The following TMEM132D variants were observed in gnomAD, a reference collection of about 807,000 sequenced individuals.
TMEM132D encodes transmembrane protein 132D, also known as mature OL transmembrane protein.
A neutral mutation model predicts 62.3 loss-of-function variants in TMEM132D; 21 were observed. The ratio of observed to expected loss-of-function variants is 0.34; its 90% CI spans 0.24 to 0.49. TMEM132D has a LOEUF of 0.49. TMEM132D is among the 20% of genes least tolerant of loss of function. The pLI, the probability that TMEM132D is intolerant of heterozygous loss-of-function variation, is 0.99. For synonymous variants in TMEM132D, 621 were observed against 575.6 expected (o/e 1.08, Z -1.13); for missense variants, 1,346 against 1,402.8 (o/e 0.96, Z 0.65).
rs541348312 is a variant in TMEM132D at position 129,691,741 on chromosome 12, T to C, written c.968+8069A>G. On this transcript the variant is annotated intron_variant, in intron 2 of 8. Transcript: ENST00000422113. ...TTTACCCATACATACAACTATAATC[T>C]TTCAATTTATAATTAAAAATAAAAA... 3.9e-5 allele frequency among the ~76,000 whole-genome samples: 6 copies of C among 152,202 alleles called. No homozygotes were observed. The South Asian group carries it at 1.2e-3, about 32-fold the overall frequency.
chr12:129,491,838 A>C (rs1461500749), intron 3 of TMEM132D, among the ~76,000 whole-genome samples: 2 of 152,156 alleles, frequency 1.3e-5, no homozygotes, highest in Non-Finnish European at 2.9e-5. Context: ...GCTACTTGGG[A>C]GACTGCGGCA....
intron 1 of TMEM132D, among the ~76,000 whole-genome samples, chr12:129,822,755 A>C (rs1441016468): frequency 6.6e-6 from 1 of 152,212 alleles, no homozygotes; most frequent in African/African-American, 2.4e-5. Flanking sequence ...TTATAAAACC[A>C]TCAGATCTTG....
chr12:129,361,542 T>C (rs909261131), intron 3 of TMEM132D, among the ~76,000 whole-genome samples: 4 of 152,200 alleles, frequency 2.6e-5, no homozygotes, highest in Non-Finnish European at 5.9e-5. Flanking sequence ...GTATGAGTTA[T>C]GGAATGTGCC....
intron 4 of TMEM132D, 43 bp downstream of exon 4, chr12:129,337,585 TCCCCTC>T: frequency 1.2e-6 from 2 of 1,606,622 alleles, no homozygotes; most frequent in Non-Finnish European, 1.7e-6. Context: ...GCCGGCGCCT[TCCCCTC>T]CCCCGAGTTC....
intron 3 of TMEM132D, among the ~76,000 whole-genome samples, chr12:129,339,294 A>C (rs2135659756): frequency 6.6e-6 from 1 of 151,384 alleles, no homozygotes; most frequent in Non-Finnish European, 1.5e-5. Context: ...AAGAAAAAGA[A>C]AGATAGAAGA....
intron 5 of TMEM132D, among the ~76,000 whole-genome samples, chr12:129,175,413 C>T (rs1045135215): frequency 3.3e-5 from 5 of 152,120 alleles, no homozygotes; most frequent in African/African-American, 1.2e-4. Flanking sequence ...ATGTCACTTA[C>T]AGTATGTATC....
At chr12:129,091,704 C>G (rs1162159589) in intron 5 of TMEM132D, among the ~76,000 whole-genome samples, 2 of 152,166 alleles carry the variant, frequency 1.3e-5, no homozygotes, top group East Asian at 1.9e-4. Flanking sequence ...TACCTAAACT[C>G]AAATAGGCTC....
chr12:129,772,495 C>G (rs747542178), intron 1 of TMEM132D, among the ~76,000 whole-genome samples: 1 of 152,126 alleles, frequency 6.6e-6, no homozygotes, highest in African/African-American at 2.4e-5. Context: ...ATCCAGCCCA[C>G]GACTCCTGGA....
chr12:129,318,073 T>C (rs977189413), intron 4 of TMEM132D, among the ~76,000 whole-genome samples: 4 of 152,238 alleles, frequency 2.6e-5, no homozygotes, highest in African/African-American at 7.2e-5. Context: ...TTTCCTTGCA[T>C]TGGGCTTTGC....
chr12:129,806,804 T>C (rs553245281), intron 1 of TMEM132D, among the ~76,000 whole-genome samples: 3 of 152,188 alleles, frequency 2.0e-5, no homozygotes, highest in Non-Finnish European at 4.4e-5. Flanking sequence ...GGTGGGTGCA[T>C]TGCTTGAGCC....
At chr12:129,722,088 C>A (rs1868853595) in intron 1 of TMEM132D, among the ~76,000 whole-genome samples, 3 of 152,194 alleles carry the variant, frequency 2.0e-5, no homozygotes, top group Admixed American at 2.0e-4. Flanking sequence ...TGCCCAAGAG[C>A]CCATATGACA....
intron 1 of TMEM132D, among the ~76,000 whole-genome samples, chr12:129,749,118 G>A (rs1869914843): frequency 1.3e-5 from 2 of 152,190 alleles, no homozygotes; most frequent in Non-Finnish European, 2.9e-5. Context: ...TTTGTAACTG[G>A]TATCATGGTT....
chr12:129,320,034 A>G (rs1868632298), intron 4 of TMEM132D, among the ~76,000 whole-genome samples: 1 of 152,240 alleles, frequency 6.6e-6, no homozygotes. Context: ...TATGTAGCTG[A>G]GGACCAGGCT....
chr12:129,269,019 TGGGGTGG>T, intron 4 of TMEM132D, among the ~76,000 whole-genome samples: 1 of 49,700 alleles, frequency 2.0e-5, no homozygotes, highest in East Asian at 7.4e-4. Context: ...GGGCCTGTTG[TGGGGTGG>T]GGGGAGGGGG....
chr12:129,896,022 G>A (rs1182655786), intron 1 of TMEM132D, among the ~76,000 whole-genome samples: 2 of 147,524 alleles, frequency 1.4e-5, no homozygotes, highest in African/African-American at 2.5e-5. Flanking sequence ...TCAGGTTAGA[G>A]TGTATTACAT....
At position 129,082,023 on chromosome 12, in the gene TMEM132D, C is replaced by G. The variant is rs2135616862; in HGVS notation, c.1659G>C (p.Gly553=). 14 of 1,602,532 alleles carry G rather than the reference C, an allele frequency of 8.7e-6. No homozygotes were observed. Among genetic ancestry groups the G allele is most frequent in the South Asian group, 1.1e-5 (1 of 90,156 alleles). The change falls in exon 7 of 9, where the codon GGG becomes GGC. Residue 553 remains glycine, a synonymous_variant. Transcript: ENST00000422113. ...CATCATCCTCCTCCTCTTCACTGTC[C>G]CCGGCAGGCCTGTGAAAGAAGCAGT... The part of the protein sequence containing the change: ...VPIVSSRRPA[G]DSEEEEDDER...
At chr12:129,488,975 G>C (rs750234925) in intron 3 of TMEM132D, among the ~76,000 whole-genome samples, 1 of 152,202 alleles carries the variant, frequency 6.6e-6, no homozygotes, top group Non-Finnish European at 1.5e-5. Context: ...CATGGGCCAA[G>C]GCTAAAGTTG....
At chr12:129,220,351 G>C (rs566361360) in intron 4 of TMEM132D, among the ~76,000 whole-genome samples, 44 of 152,252 alleles carry the variant, frequency 2.9e-4, no homozygotes, top group Middle Eastern at 3.4e-3. Flanking sequence ...TCCCCACGTT[G>C]GAAACGAAAT....
intron 5 of TMEM132D, among the ~76,000 whole-genome samples, chr12:129,198,968 C>A (rs1878617553): frequency 6.6e-6 from 1 of 151,916 alleles, no homozygotes; most frequent in Admixed American, 6.6e-5. Flanking sequence ...TAAACTATAA[C>A]TGATAAAAAT....
Sources: gnomAD v4.1 joint callset for allele counts (sites outside exome capture counted in the v4.1 genomes callset) on GRCh38, gnomAD v4.1.1 for gene constraint, MANE v1.5 for transcripts, NCBI Gene and HGNC (gene_info 2026-07-23, HGNC 2026-07-21) for gene names.